Variants in RCAN2 observed in about 807,000 individuals in gnomAD.
RCAN2 encodes the protein calcipressin-2.
In RCAN2, 9 loss-of-function variants were observed where a neutral mutation model predicts 23.6. That is an observed-to-expected ratio of 0.38 (90% confidence interval 0.23 to 0.67). The LOEUF is 0.67. Ranked by LOEUF, RCAN2 falls within the 30% of genes least tolerant of loss-of-function variation. RCAN2 has a pLI of 0.51. For synonymous variants in RCAN2, 109 were observed against 115.7 expected (o/e 0.94, Z 0.37); for missense variants, 273 against 302.3 (o/e 0.90, Z 0.72).
intron 2 of RCAN2, among the ~76,000 whole-genome samples, chr6:46,439,448 G>A (rs923955721): frequency 7.2e-5 from 11 of 152,070 alleles, no homozygotes; most frequent in African/African-American, 2.7e-4. Context: ...TTTTACCTGG[G>A]TTGGTTACCT....
intron 3 of RCAN2, among the ~76,000 whole-genome samples, chr6:46,247,784 T>G (rs1423704149): frequency 6.6e-6 from 1 of 152,262 alleles, no homozygotes; most frequent in Non-Finnish European, 1.5e-5. Context: ...CCACCTTTTG[T>G]CTATTGTGAA....
Position 46,228,119 on chromosome 6 carries a change from A to G in RCAN2, c.572-4818T>C, listed in dbSNP as rs573172867. On this transcript the variant is annotated intron_variant, in intron 4 of 4. Transcript: ENST00000371374. ...TTTCTTAATCCTGAATTCTAGTTTG[A>G]TTGCACTGTGGTCTGAGAGACAGTT... Among the ~76,000 whole-genome samples the G allele has an allele frequency of 2.6e-5, 4 of 152,284 alleles. No homozygotes were observed. In the South Asian group the frequency reaches 8.3e-4, roughly 32 times the overall value.
intron 2 of RCAN2, among the ~76,000 whole-genome samples, chr6:46,423,828 C>A (rs1184708942): frequency 6.6e-6 from 1 of 152,122 alleles, no homozygotes; most frequent in South Asian, 2.1e-4. Context: ...TTGAGTATAC[C>A]ACATACCACG....
intron 4 of RCAN2, among the ~76,000 whole-genome samples, chr6:46,223,515 G>A (rs1368978790): frequency 6.6e-6 from 1 of 152,092 alleles, no homozygotes; most frequent in East Asian, 1.9e-4. Context: ...CCCCAAACAA[G>A]CCACTCAATA....
chr6:46,407,467 C>G (rs999387980), intron 2 of RCAN2, among the ~76,000 whole-genome samples: 6 of 152,162 alleles, frequency 3.9e-5, no homozygotes, highest in African/African-American at 1.4e-4. Context: ...AAATTCCAAG[C>G]CGACTCAGGC....
intron 2 of RCAN2, among the ~76,000 whole-genome samples, chr6:46,314,511 A>C (rs1409326268): frequency 6.6e-6 from 1 of 151,862 alleles, no homozygotes; most frequent in East Asian, 1.9e-4. Flanking sequence ...CCTAAGCAAA[A>C]AAACAAAAAA....
chr6:46,251,487 G>C (rs1315145071), intron 2 of RCAN2, among the ~76,000 whole-genome samples: 1 of 152,100 alleles, frequency 6.6e-6, no homozygotes, highest in African/African-American at 2.4e-5. Flanking sequence ...CTTTGTGGCT[G>C]GTATGTTTTC....
chr6:46,281,925 T>C (rs72863257), intron 2 of RCAN2, among the ~76,000 whole-genome samples: 7,517 of 152,228 alleles, frequency 0.049, 255 homozygotes, highest in Non-Finnish European at 0.073. Flanking sequence ...TTCTCTAGCA[T>C]CCATTAACCA....
chr6:46,290,796 CT>C (rs1228856711), intron 2 of RCAN2, among the ~76,000 whole-genome samples: 8 of 152,152 alleles, frequency 5.3e-5, no homozygotes, highest in Admixed American at 5.2e-4. Context: ...CTACAGTCAA[CT>C]TATGTACACA....
intron 2 of RCAN2, among the ~76,000 whole-genome samples, chr6:46,264,632 A>G (rs1393920755): frequency 1.3e-5 from 2 of 152,206 alleles, no homozygotes; most frequent in African/African-American, 4.8e-5. Flanking sequence ...CCCATCACAG[A>G]TTCAGGACAC....
At chr6:46,472,879 T>A (rs1281851736) in intron 1 of RCAN2, among the ~76,000 whole-genome samples, 1 of 152,196 alleles carries the variant, frequency 6.6e-6, no homozygotes, top group African/African-American at 2.4e-5. Context: ...CTGGAACTTT[T>A]TCTGAAGTAA....
Position 46,221,326 on chromosome 6 carries a change from T to G in RCAN2, c.*1815A>C, listed in dbSNP as rs1433189019. 1 of 152,662 alleles carries G rather than the reference T, an allele frequency of 6.6e-6. No homozygotes were observed. The highest frequency in any genetic ancestry group is 2.4e-5 in the African/African-American group (1 of 41,464). The allele number at this position is 152,662 out of a possible 1,614,324, so 9.5% of individuals were successfully genotyped here. On this transcript the variant is annotated 3_prime_UTR_variant, in exon 5 of 5. Transcript: ENST00000371374. ...GAGTCAGCTTTGAAAGGCTGGATGC[T>G]GCAGTGCTCTGCATCTGAATAGCGG...
At chr6:46,486,259 T>G (rs1768986613) in intron 1 of RCAN2, among the ~76,000 whole-genome samples, 1 of 152,198 alleles carries the variant, frequency 6.6e-6, no homozygotes, top group Non-Finnish European at 1.5e-5. Context: ...TAAATAGTGA[T>G]GATAATACCC....
At chr6:46,383,965 G>A (rs374621410) in intron 2 of RCAN2, among the ~76,000 whole-genome samples, 11 of 152,062 alleles carry the variant, frequency 7.2e-5, no homozygotes, top group Admixed American at 2.0e-4. Context: ...CTGCTTCCCC[G>A]CCTCTCTGGA....
At chr6:46,237,457 G>A (rs1158280491) in intron 4 of RCAN2, among the ~76,000 whole-genome samples, 1 of 152,160 alleles carries the variant, frequency 6.6e-6, no homozygotes, top group Non-Finnish European at 1.5e-5. Flanking sequence ...TTCTCAACAG[G>A]AAAGTTATTT....
intron 2 of RCAN2, among the ~76,000 whole-genome samples, chr6:46,272,184 T>C (rs552718002): frequency 3.3e-5 from 5 of 152,214 alleles, no homozygotes; most frequent in African/African-American, 4.8e-5. Flanking sequence ...TCCATTGTTA[T>C]ACAAAATAGC....
At chr6:46,277,359 G>A (rs1767748865) in intron 2 of RCAN2, among the ~76,000 whole-genome samples, 1 of 152,098 alleles carries the variant, frequency 6.6e-6, no homozygotes, top group Non-Finnish European at 1.5e-5. Context: ...TTTTCTATAG[G>A]TAGATGACTA....
rs562067557 is a variant in RCAN2, at chr6:46,237,685, C to A, written c.571+9063G>T. 3.0e-4 allele frequency among the ~76,000 whole-genome samples: 45 copies of A among 152,304 alleles called. 1 individual carries two copies. In the South Asian group the frequency reaches 4.1e-3, roughly 14 times the overall value. On this transcript the variant is annotated intron_variant, in intron 4 of 4. Transcript: ENST00000371374. Reference sequence around the variant, plus strand: ...AATCCAAAACACTTCTGGCCCCAAGCATTTTGGATAAGGGATCCTCAACCT... The same window carrying A: ...AATCCAAAACACTTCTGGCCCCAAGAATTTTGGATAAGGGATCCTCAACCT...
chr6:46,417,867 G>A (rs568192817), intron 2 of RCAN2, among the ~76,000 whole-genome samples: 18 of 152,274 alleles, frequency 1.2e-4, no homozygotes, highest in Admixed American at 4.6e-4. Flanking sequence ...ATTAATTTTT[G>A]CAATACTTAA....
Sources: allele counts gnomAD v4.1 joint callset (sites outside exome capture counted in the v4.1 genomes callset), GRCh38; gene constraint gnomAD v4.1.1; transcripts MANE v1.5; gene names NCBI Gene and HGNC (gene_info 2026-07-23, HGNC 2026-07-21).